The following CHLSN variants were observed in gnomAD, a reference collection of about 807,000 sequenced individuals.
CHLSN encodes cholesin.
At chr7:1,115,331 G>A in the CHLSN span, among the ~76,000 whole-genome samples, 289 of 152,312 alleles carry the variant, frequency 1.9e-3, 1 homozygote, top group Non-Finnish European at 3.1e-3. Context: ...TTCGGGAAAC[G>A]CCCCACCACA....
At chr7:985,013 A>C in the CHLSN span, 1 of 1,611,816 alleles carries the variant, frequency 6.2e-7, no homozygotes, top group Non-Finnish European at 8.5e-7. Context: ...CGTGCCCTGC[A>C]CAGCCTGGGC....
At chr7:1,078,139 C>T in the CHLSN span, 4 of 152,170 alleles carry the variant, frequency 2.6e-5, no homozygotes, top group Admixed American at 6.5e-5. Flanking sequence ...CGGAGCTGGA[C>T]GAGGTCTGCG....
chr7:992,711 C>T, the CHLSN span, among the ~76,000 whole-genome samples: 1 of 152,220 alleles, frequency 6.6e-6, no homozygotes, highest in African/African-American at 2.4e-5. Flanking sequence ...TGCTGGGGCT[C>T]CCTCAGAGCG....
chr7:987,210 C>G, the CHLSN span: 1 of 1,545,694 alleles, frequency 6.5e-7, no homozygotes, highest in East Asian at 2.4e-5. Context: ...CTGCAGTGGG[C>G]CGCACTTCTG....
the CHLSN span, among the ~76,000 whole-genome samples, chr7:1,133,749 C>A: frequency 4.8e-5 from 4 of 84,158 alleles, no homozygotes; most frequent in Admixed American, 1.1e-4. Context: ...GAGACTCCAT[C>A]TCAAAAAAAA....
chr7:1,106,383 G>A, the CHLSN span, among the ~76,000 whole-genome samples: 2 of 152,184 alleles, frequency 1.3e-5, no homozygotes, highest in Non-Finnish European at 1.5e-5. Flanking sequence ...GGGCCCCTGT[G>A]TTCTGGGTGC....
the CHLSN span, chr7:1,021,259 TCC>T: frequency 2.0e-6 from 1 of 498,880 alleles, no homozygotes; most frequent in African/African-American, 2.1e-5. Context: ...GCTGAGGATC[TCC>T]CAGCAGGGAC....
At chr7:1,027,296 C>T in the CHLSN span, among the ~76,000 whole-genome samples, 1 of 152,258 alleles carries the variant, frequency 6.6e-6, no homozygotes. Flanking sequence ...TCTGAAGCAA[C>T]GGTCACCATT....
At chr7:1,098,199 G>A in the CHLSN span, among the ~76,000 whole-genome samples, 15 of 152,146 alleles carry the variant, frequency 9.9e-5, no homozygotes, top group African/African-American at 2.7e-4. Context: ...GCTCCGTGGC[G>A]GCAGGATGCA....
the CHLSN span, among the ~76,000 whole-genome samples, chr7:1,013,834 G>A: frequency 1.3e-5 from 2 of 152,196 alleles, no homozygotes; most frequent in South Asian, 2.1e-4. Context: ...ATGAAATACA[G>A]ACACTCATAT....
chr7:1,006,312 G>A, the CHLSN span, among the ~76,000 whole-genome samples: 1 of 152,014 alleles, frequency 6.6e-6, no homozygotes, highest in Non-Finnish European at 1.5e-5. Flanking sequence ...AGCACACGAC[G>A]GCCACAGTGC....
At chr7:1,077,321 A>G in the CHLSN span, among the ~76,000 whole-genome samples, 1 of 152,110 alleles carries the variant, frequency 6.6e-6, no homozygotes, top group East Asian at 1.9e-4. Flanking sequence ...AAGCCTGGCT[A>G]ATTTTTTGTA....
At chr7:988,004 G>GGGGGTCCCCTCTGTGTGTCCTGGA in the CHLSN span, among the ~76,000 whole-genome samples, 1 of 150,844 alleles carries the variant, frequency 6.6e-6, no homozygotes, top group Non-Finnish European at 1.5e-5. Flanking sequence ...TGTGTCCTGG[G>GGGGGTCCCCTCTGTGTGTCCTGGA]GGGTCCCCTC....
At chr7:1,080,594 C>T in the CHLSN span, among the ~76,000 whole-genome samples, 6 of 152,232 alleles carry the variant, frequency 3.9e-5, no homozygotes, top group East Asian at 1.9e-4. Context: ...GCGCTGCCTG[C>T]GAGCACCGTG....
At chr7:997,884 C>T in the CHLSN span, 2 of 1,346,680 alleles carry the variant, frequency 1.5e-6, no homozygotes, top group Non-Finnish European at 2.1e-6. Context: ...ACGCTGCAGC[C>T]AAGGACACCC....
chr7:1,029,637 C>T, the CHLSN span, among the ~76,000 whole-genome samples: 1 of 152,192 alleles, frequency 6.6e-6, no homozygotes, highest in Non-Finnish European at 1.5e-5. Context: ...GAGGCTGGGC[C>T]GGTTCCAGGG....
the CHLSN span, among the ~76,000 whole-genome samples, chr7:1,095,982 C>G: frequency 6.6e-6 from 1 of 152,332 alleles, no homozygotes; most frequent in South Asian, 2.1e-4. Context: ...TTAAGGTGAT[C>G]TGGGTGGGAA....
At chr7:1,089,230 T>A in the CHLSN span, among the ~76,000 whole-genome samples, 1 of 152,228 alleles carries the variant, frequency 6.6e-6, no homozygotes, top group South Asian at 2.1e-4. Flanking sequence ...TGTTCAATGG[T>A]ATTATCTACT....
At chr7:1,045,155 C>T in the CHLSN span, among the ~76,000 whole-genome samples, 3 of 152,212 alleles carry the variant, frequency 2.0e-5, no homozygotes, top group Non-Finnish European at 2.9e-5. Flanking sequence ...GCTCTCCAGC[C>T]GCCAAACCAC....
Sources: allele counts gnomAD v4.1 joint callset (sites outside exome capture counted in the v4.1 genomes callset), GRCh38; gene constraint gnomAD v4.1.1; transcripts MANE v1.5; gene names NCBI Gene and HGNC (gene_info 2026-07-23, HGNC 2026-07-21).